Variants in DUSP22 observed in about 807,000 individuals in gnomAD.
DUSP22 encodes dual specificity protein phosphatase 22.
In DUSP22, 24 loss-of-function variants were observed where a neutral mutation model predicts 24.5. The ratio of observed to expected loss-of-function variants is 0.98; its 90% CI spans 0.71 to 1.38. The LOEUF (loss-of-function observed/expected upper bound fraction) is 1.38, where lower values mean the gene tolerates loss of function less well. Among genes scored for constraint, DUSP22 ranks in the 40% most tolerant of loss-of-function variants. DUSP22 has a pLI of 0.00. For synonymous variants in DUSP22, 160 were observed against 106.4 expected (o/e 1.50, Z -3.10); for missense variants, 330 against 269.2 (o/e 1.23, Z -1.58).
At chr6:314,738 G>A (rs1193492662) in intron 3 of DUSP22, among the ~76,000 whole-genome samples, 2 of 152,426 alleles carry the variant, frequency 1.3e-5, no homozygotes, top group African/African-American at 4.8e-5. Flanking sequence ...GCTTGCTTAT[G>A]TGATGTGCCT....
At chr6:310,130 TTTGTAA>T (rs1310443480) in intron 2 of DUSP22, among the ~76,000 whole-genome samples, 1 of 152,300 alleles carries the variant, frequency 6.6e-6, no homozygotes, top group Non-Finnish European at 1.5e-5. Context: ...CCAGCTAATT[TTTGTAA>T]TTTTAGTAGA....
At chr6:310,774 A>G (rs1035329133) in intron 2 of DUSP22, among the ~76,000 whole-genome samples, 4 of 152,426 alleles carry the variant, frequency 2.6e-5, no homozygotes, top group Admixed American at 6.5e-5. Context: ...TGTCTCATGC[A>G]GAAAGACTGA....
intron 3 of DUSP22, among the ~76,000 whole-genome samples, chr6:321,748 T>C (rs1200590949): frequency 6.6e-6 from 1 of 152,250 alleles, no homozygotes; most frequent in Non-Finnish European, 1.5e-5. Flanking sequence ...AAAGGAACAA[T>C]CCATTGAGAA....
chr6:348,242 C>T lies in DUSP22; in HGVS notation c.403C>T (p.Leu135Phe). The change falls in exon 6 of 7, where the codon CTC (leucine) becomes TTC (phenylalanine). Residue 135 changes from leucine (L) to phenylalanine (F), a missense_variant. By Grantham distance (22) the Leu-to-Phe change is conservative. Coordinates refer to ENST00000419235, the MANE Select transcript of DUSP22 (RefSeq NM_001286555.3). ...CCCCAACGTGGGCTTCCAGAGACAG[C>T]TCCAGGAGTTTGAGAAGCATGAGGT... ...ANPNVGFQRQ[L>F]QEFEKHEVHQ... is the part of the protein sequence containing the mutation. 1.2e-6 allele frequency: 2 copies of T among 1,614,314 alleles called. No homozygotes were observed. Among genetic ancestry groups the T allele is most frequent in the Non-Finnish European group, 1.7e-6 (2 of 1,180,060 alleles).
intron 3 of DUSP22, among the ~76,000 whole-genome samples, chr6:328,791 T>A (rs1759005397): frequency 6.6e-6 from 1 of 152,304 alleles, no homozygotes; most frequent in Admixed American, 6.5e-5. Context: ...TGCAGTAATT[T>A]ATTTGGGACT....
chr6:350,709 G>A lies in DUSP22; in HGVS notation c.*1758G>A, dbSNP rs1322377107. The stretch of plus-strand genomic sequence containing the variant: ...AATACGTTAACAGAAAAATGATTTA[G>A]GATATAGCTTGAATGCTTAAATATG... On this transcript the variant is annotated 3_prime_UTR_variant, in exon 7 of 7. Coordinates refer to ENST00000419235, the MANE Select transcript of DUSP22 (RefSeq NM_001286555.3). The A allele has an allele frequency of 2.5e-6, 4 of 1,598,812 alleles. No homozygotes were observed. The highest frequency in any genetic ancestry group is 2.3e-5 in the South Asian group (2 of 88,044).
intron 4 of DUSP22, among the ~76,000 whole-genome samples, chr6:344,253 T>C (rs1280020047): frequency 6.6e-6 from 1 of 150,858 alleles, no homozygotes; most frequent in Admixed American, 6.6e-5. Context: ...AAGAAAGGAT[T>C]AAGGCACGCG....
At chr6:306,876 A>G (rs1410568887) in intron 2 of DUSP22, among the ~76,000 whole-genome samples, 9 of 152,298 alleles carry the variant, frequency 5.9e-5, no homozygotes, top group African/African-American at 2.2e-4. Flanking sequence ...GGGGGTGTAG[A>G]CTGGGAAGAT....
chr6:300,455 A>G (rs1226407200), intron 1 of DUSP22, among the ~76,000 whole-genome samples: 13 of 152,294 alleles, frequency 8.5e-5, no homozygotes, highest in Admixed American at 3.3e-4. Flanking sequence ...GGGACCACTC[A>G]GTCTGGAGGT....
At chr6:294,935 C>T (rs1207135661) in intron 1 of DUSP22, among the ~76,000 whole-genome samples, 2 of 152,404 alleles carry the variant, frequency 1.3e-5, no homozygotes, top group East Asian at 3.8e-4. Context: ...CTGCAGTAAA[C>T]ATGTTTAACG....
At chr6:303,682 C>T (rs1417060434) in intron 1 of DUSP22, among the ~76,000 whole-genome samples, 4 of 152,418 alleles carry the variant, frequency 2.6e-5, no homozygotes, top group South Asian at 4.1e-4. Flanking sequence ...CAAGTGATAT[C>T]GTGAGCATAC....
chr6:296,897 G>T (rs574977214), intron 1 of DUSP22, among the ~76,000 whole-genome samples: 1 of 152,306 alleles, frequency 6.6e-6, no homozygotes, highest in African/African-American at 2.4e-5. Flanking sequence ...CGGCCTGCCT[G>T]GTCTTGTGGC....
chr6:347,935 C>T (rs924332328), intron 5 of DUSP22, among the ~76,000 whole-genome samples, 168 bp from the exon 6 acceptor site: 6 of 152,298 alleles, frequency 3.9e-5, no homozygotes, highest in Admixed American at 1.3e-4. Context: ...GGAGCTGGTA[C>T]GTTGAGTGCT....
rs1222620983 is a variant in DUSP22 at position 350,592 on chromosome 6, C to T, written c.*1641C>T. On this transcript the variant is annotated 3_prime_UTR_variant, in exon 7 of 7. Coordinates refer to ENST00000419235, the MANE Select transcript of DUSP22 (RefSeq NM_001286555.3). ...AGGTGCACAGGCCCCGGATGTACAC[C>T]CGGAAAGGGGAGTGTGGCTGTAGAA... 14 of 1,424,948 alleles carry T rather than the reference C, an allele frequency of 9.8e-6. No homozygotes were observed. Among genetic ancestry groups the T allele is most frequent in the Admixed American group, 5.6e-5 (2 of 35,658 alleles). 88.3% of individuals were successfully genotyped at this position (1,424,948 alleles called of 1,614,324 possible).
rs1284169178 is a variant in DUSP22 at position 349,434 on chromosome 6, A to C, written c.*483A>C. ...CCTTTCCCTTTGTCCAAGACTCCACATGGAAGGCATTTGAGCTCGACCTCC... is the reference window on the plus strand; with the variant it reads ...CCTTTCCCTTTGTCCAAGACTCCACCTGGAAGGCATTTGAGCTCGACCTCC... On this transcript the variant is annotated 3_prime_UTR_variant, in exon 7 of 7. Coordinates refer to ENST00000419235, the MANE Select transcript of DUSP22 (RefSeq NM_001286555.3). 1 of 1,009,204 alleles carries C rather than the reference A, an allele frequency of 9.9e-7. No homozygotes were observed. Among genetic ancestry groups the C allele is most frequent in the Admixed American group, 5.6e-5 (1 of 17,964 alleles). The allele number at this position is 1,009,204 out of a possible 1,614,324, so 62.5% of individuals were successfully genotyped here.
chr6:308,067 G>T (rs1207512020), intron 2 of DUSP22, among the ~76,000 whole-genome samples: 2 of 151,656 alleles, frequency 1.3e-5, no homozygotes, highest in Admixed American at 6.5e-5. Flanking sequence ...CGGGCCAAAG[G>T]TCATTCCCTC....
At chr6:341,065 G>A (rs1041505073) in intron 4 of DUSP22, among the ~76,000 whole-genome samples, 7 of 152,302 alleles carry the variant, frequency 4.6e-5, no homozygotes, top group African/African-American at 7.2e-5. Context: ...AGACAGCTGC[G>A]GGTGACTGGG....
At chr6:322,224 A>C (rs899855221) in intron 3 of DUSP22, among the ~76,000 whole-genome samples, 4 of 152,308 alleles carry the variant, frequency 2.6e-5, no homozygotes, top group Non-Finnish European at 4.4e-5. Context: ...CTAGGACAGC[A>C]TGACTAGGGA....
intron 4 of DUSP22, among the ~76,000 whole-genome samples, chr6:339,737 G>T (rs1270395742): frequency 6.6e-6 from 1 of 152,292 alleles, no homozygotes; most frequent in Non-Finnish European, 1.5e-5. Flanking sequence ...TGAAAACATC[G>T]GTAAAACGTC....
Sources: allele counts gnomAD v4.1 joint callset (sites outside exome capture counted in the v4.1 genomes callset), GRCh38; gene constraint gnomAD v4.1.1; transcripts MANE v1.5; gene names NCBI Gene and HGNC (gene_info 2026-07-23, HGNC 2026-07-21).